The following OTOF variants were observed in gnomAD, a reference collection of about 807,000 sequenced individuals.
OTOF encodes otoferlin.
In OTOF, 218 loss-of-function variants were observed where a neutral mutation model predicts 236.8. The observed-to-expected ratio is 0.92, with a 90% confidence interval of 0.82 to 1.03. OTOF has a LOEUF of 1.03. OTOF is among the 50% of genes least tolerant of loss of function. OTOF has a pLI of 0.00. For synonymous variants in OTOF, 1,041 were observed against 1,072.5 expected, an observed-to-expected ratio of 0.97 and a Z score of 0.57; for missense variants, 2,590 against 2,694.4, an observed-to-expected ratio of 0.96 and a Z score of 0.86.
intron 5 of OTOF, among the ~76,000 whole-genome samples, chr2:26,512,074 T>A (rs983889323): frequency 6.6e-6 from 1 of 151,804 alleles, no homozygotes; most frequent in African/African-American, 2.4e-5. Context: ...ATAAGGAGAA[T>A]GAGAAAAGTG....
At chr2:26,467,040 C>A (rs1664760879) in intron 35 of OTOF, 59 bp downstream of exon 35, 1 of 1,587,822 alleles carries the variant, frequency 6.3e-7, no homozygotes, top group Non-Finnish European at 8.5e-7. Flanking sequence ...AGTGGGGGAA[C>A]CTGTGGGGGG....
chr2:26,461,958 G>A lies in OTOF; in HGVS notation c.5292-21C>T, dbSNP rs965267087. The stretch of plus-strand genomic sequence containing the variant: ...GCCACCTGTGGGCGCCACATCTCCA[G>A]ACCCGCAGCCAGGCTGGTGGGGCCT... On this transcript the variant is annotated intron_variant, in intron 42 of 46. Coordinates refer to ENST00000272371, the MANE Select transcript of OTOF (RefSeq NM_194248.3). This position sits in a 1 kb window ranked among gnomAD's most constrained non-coding sequence, Gnocchi z 6.2. 2 of 1,613,826 alleles carry A rather than the reference G, an allele frequency of 1.2e-6. No individual in the cohort carries two copies. The highest frequency in any genetic ancestry group is 2.7e-5 in the African/African-American group (2 of 74,884).
At chr2:26,509,787 T>C (rs1666337902) in intron 5 of OTOF, among the ~76,000 whole-genome samples, 1 of 152,184 alleles carries the variant, frequency 6.6e-6, no homozygotes, top group Non-Finnish European at 1.5e-5. Flanking sequence ...GTTTGGAGAA[T>C]TAGATTAAAT....
chr2:26,502,479 C>T, intron 6 of OTOF, 53 bp from the exon 7 acceptor site: 1 of 1,578,068 alleles, frequency 6.3e-7, no homozygotes, highest in Non-Finnish European at 8.6e-7. Flanking sequence ...GAGATAGTGA[C>T]CATTTCTCCT....
intron 5 of OTOF, among the ~76,000 whole-genome samples, chr2:26,505,327 G>A (rs532571783): frequency 6.6e-6 from 1 of 152,190 alleles, no homozygotes; most frequent in South Asian, 2.1e-4. Context: ...TGAGAAGAAA[G>A]GGAAAGAAAG....
At chr2:26,476,651 C>T (rs1205975833) in intron 22 of OTOF, among the ~76,000 whole-genome samples, 3 of 41,600 alleles carry the variant, frequency 7.2e-5, no homozygotes, top group Non-Finnish European at 1.4e-4. Flanking sequence ...CACCTCCTTC[C>T]CCACCCCTTC....
At chr2:26,539,502 G>T (rs190391130) in intron 1 of OTOF, among the ~76,000 whole-genome samples, 1 of 152,176 alleles carries the variant, frequency 6.6e-6, no homozygotes, top group African/African-American at 2.4e-5. Flanking sequence ...TTGGGAGGCC[G>T]AGGCGGGCGG....
intron 5 of OTOF, among the ~76,000 whole-genome samples, chr2:26,508,630 T>C (rs899259329): frequency 2.6e-5 from 4 of 152,228 alleles, no homozygotes; most frequent in Non-Finnish European, 4.4e-5. Flanking sequence ...ATGGGTGTTT[T>C]CTCATCTCCC....
At chr2:26,501,732 A>G (rs1264649084) in intron 8 of OTOF, 22 bp downstream of exon 8, 15 of 1,577,408 alleles carry the variant, frequency 9.5e-6, no homozygotes, top group Non-Finnish European at 1.2e-5. Context: ...GAAAGACATG[A>G]GGCCTCCAGG....
In OTOF at chr2:26,489,660, G is replaced by A; in HGVS notation, c.960+18C>T. ...TTGAGGGAGTGGCCCTGCCGGCCAG[G>A]GGCTGCTCCCCACTCACCGAAATCT... On this transcript the variant is annotated intron_variant, in intron 10 of 46. Transcript: ENST00000272371. 6.2e-7 allele frequency: 1 copy of A among 1,608,634 alleles called. No homozygotes were observed. The highest frequency in any genetic ancestry group is 8.5e-7 in the Non-Finnish European group (1 of 1,176,002).
intron 1 of OTOF, among the ~76,000 whole-genome samples, chr2:26,549,335 A>G (rs1397328199): frequency 6.6e-6 from 1 of 152,172 alleles, no homozygotes; most frequent in Non-Finnish European, 1.5e-5. Flanking sequence ...CATGAGAAAC[A>G]CATCTTCAAT....
At chr2:26,529,804 G>A (rs563050055) in intron 2 of OTOF, among the ~76,000 whole-genome samples, 3 of 152,268 alleles carry the variant, frequency 2.0e-5, no homozygotes, top group East Asian at 3.9e-4. Context: ...TGCGGGGTGG[G>A]GTGGGGAGGG....
At chr2:26,540,979 C>G (rs751830256) in intron 1 of OTOF, among the ~76,000 whole-genome samples, 1 of 152,194 alleles carries the variant, frequency 6.6e-6, no homozygotes, top group Non-Finnish European at 1.5e-5. Context: ...TAATTTTCCC[C>G]GCAGGTAACA....
chr2:26,468,326 G>A, intron 33 of OTOF, 82 bp downstream of exon 33: 1 of 1,017,162 alleles, frequency 9.8e-7, no homozygotes, highest in Admixed American at 1.7e-5. Context: ...AGGGAAAAGA[G>A]AAGCAGGTGA....
rs1264792346 is a variant in OTOF at position 26,473,681 on chromosome 2, C to T, written c.3409-114G>A. ...CCGGGCAGTGGGATGGGCAGTAGTT[C>T]ACCCCAGATTTCAAAGGGTGGGAGC... On this transcript the variant is annotated intron_variant, in intron 27 of 46. Transcript: ENST00000272371. The surrounding 1 kb of genome is among the most constrained non-coding windows in gnomAD (Gnocchi z 7.2). 56 of 1,114,482 alleles carry T rather than the reference C, an allele frequency of 5.0e-5. No individual in the cohort carries two copies. The Admixed American group carries it at 1.3e-3, about 25-fold the overall frequency. 69.0% of individuals were successfully genotyped at this position (1,114,482 alleles called of 1,614,324 possible).
intron 1 of OTOF, among the ~76,000 whole-genome samples, chr2:26,546,327 G>A (rs1476678488): frequency 6.6e-6 from 1 of 152,098 alleles, no homozygotes; most frequent in Non-Finnish European, 1.5e-5. Flanking sequence ...TGGGAGTGAT[G>A]GTGCATGCCT....
chr2:26,478,259 G>C (rs1180912479), intron 18 of OTOF, among the ~76,000 whole-genome samples: 2 of 152,192 alleles, frequency 1.3e-5, no homozygotes, highest in African/African-American at 2.4e-5. Flanking sequence ...CTCCTTAGGG[G>C]GAAGCCTTGC....
chr2:26,556,947 G>A (rs533235703), intron 1 of OTOF, among the ~76,000 whole-genome samples: 1 of 152,326 alleles, frequency 6.6e-6, no homozygotes, highest in South Asian at 2.1e-4. Flanking sequence ...GCATGAGCCT[G>A]CAGGTGGCAC....
intron 32 of OTOF, among the ~76,000 whole-genome samples, chr2:26,469,939 G>C (rs1263661573): frequency 6.6e-6 from 1 of 152,226 alleles, no homozygotes; most frequent in Non-Finnish European, 1.5e-5. Flanking sequence ...GAGCTAGGTA[G>C]GCAGCGTGGA....
Sources: gnomAD v4.1 joint callset for allele counts (sites outside exome capture counted in the v4.1 genomes callset) on GRCh38, gnomAD v4.1.1 for gene constraint, Gnocchi (gnomAD v3.1) non-coding constraint, MANE v1.5 for transcripts, NCBI Gene and HGNC (gene_info 2026-07-23, HGNC 2026-07-21) for gene names.